Variants in CAMKMT observed in about 807,000 individuals in gnomAD.
The protein encoded by CAMKMT is calmodulin-lysine N-methyltransferase, also known as CaM KMT.
CAMKMT carries 53 observed loss-of-function variants against 48.0 expected under a neutral mutation model. That is an observed-to-expected ratio of 1.10 (90% CI 0.89 to 1.39). The LOEUF is 1.39. Ranked by LOEUF, CAMKMT falls within the 40% of genes most tolerant of loss-of-function variation. CAMKMT has a pLI of 0.00. For missense variants in CAMKMT, 428 were observed against 402.7 expected (o/e 1.06, Z -0.54); for synonymous variants, 165 against 152.3 (o/e 1.08, Z -0.61).
At chr2:44,571,582 A>G (rs1247593442) in intron 3 of CAMKMT, among the ~76,000 whole-genome samples, 2 of 152,222 alleles carry the variant, frequency 1.3e-5, no homozygotes, top group Non-Finnish European at 2.9e-5. Context: ...ATAAATCCAC[A>G]TATGTAGTGG....
chr2:44,622,416 G>A (rs1021261945), intron 3 of CAMKMT, among the ~76,000 whole-genome samples: 1 of 152,160 alleles, frequency 6.6e-6, no homozygotes, highest in African/African-American at 2.4e-5. Flanking sequence ...TGATGCTGAG[G>A]TTTGAAGTAC....
At chr2:44,386,301 T>C (rs1026929552) in intron 2 of CAMKMT, among the ~76,000 whole-genome samples, 13 of 152,092 alleles carry the variant, frequency 8.5e-5, no homozygotes, top group African/African-American at 3.1e-4. Flanking sequence ...TTTTCTAGTT[T>C]ATGTGTGTAA....
At chr2:44,480,206 G>A (rs1558647161) in intron 3 of CAMKMT, among the ~76,000 whole-genome samples, 1 of 152,052 alleles carries the variant, frequency 6.6e-6, no homozygotes, top group Non-Finnish European at 1.5e-5. Context: ...TCTGTTAGGC[G>A]ACACAGAACT....
At chr2:44,486,681 A>T (rs987596884) in intron 3 of CAMKMT, among the ~76,000 whole-genome samples, 3 of 152,236 alleles carry the variant, frequency 2.0e-5, no homozygotes, top group Non-Finnish European at 4.4e-5. Context: ...CATTGAGCAT[A>T]TATGTTGCTC....
intron 3 of CAMKMT, among the ~76,000 whole-genome samples, chr2:44,470,512 CACCT>C (rs1026550000): frequency 2.4e-4 from 36 of 152,138 alleles, no homozygotes; most frequent in Non-Finnish European, 1.2e-4. Context: ...GGTTTCTTCC[CACCT>C]GTTTGTATTT....
chr2:44,543,296 T>C (rs955651804), intron 3 of CAMKMT, among the ~76,000 whole-genome samples: 1 of 152,196 alleles, frequency 6.6e-6, no homozygotes, highest in Non-Finnish European at 1.5e-5. Context: ...TCCAGTATGA[T>C]TTCTGCCGTG....
intron 3 of CAMKMT, among the ~76,000 whole-genome samples, chr2:44,414,113 G>A (rs1016355289): frequency 3.9e-5 from 6 of 152,008 alleles, no homozygotes; most frequent in Non-Finnish European, 7.4e-5. Context: ...TCATATCTCT[G>A]GCAACTCTAT....
intron 7 of CAMKMT, among the ~76,000 whole-genome samples, chr2:44,724,679 A>T (rs1341424554): frequency 6.6e-6 from 1 of 152,178 alleles, no homozygotes; most frequent in East Asian, 1.9e-4. Flanking sequence ...TACTCCCCAC[A>T]TTGGACTCTG....
At chr2:44,429,918 A>G (rs757794955) in intron 3 of CAMKMT, among the ~76,000 whole-genome samples, 6 of 151,332 alleles carry the variant, frequency 4.0e-5, no homozygotes, top group Non-Finnish European at 5.9e-5. Flanking sequence ...AAAGTTTGTG[A>G]TAGTGATTAT....
At chr2:44,604,561 T>G (rs1244490737) in intron 3 of CAMKMT, among the ~76,000 whole-genome samples, 3 of 151,136 alleles carry the variant, frequency 2.0e-5, no homozygotes, top group South Asian at 2.1e-4. Context: ...CAATCTGGTT[T>G]TTTTTTTTTT....
chr2:44,440,760 G>A (rs1479098973), intron 3 of CAMKMT, among the ~76,000 whole-genome samples: 1 of 152,064 alleles, frequency 6.6e-6, no homozygotes, highest in Non-Finnish European at 1.5e-5. Flanking sequence ...TTCCACAGTA[G>A]TATCACATAC....
At chr2:44,766,157 AC>A (rs1680833313) in intron 9 of CAMKMT, among the ~76,000 whole-genome samples, 2 of 152,238 alleles carry the variant, frequency 1.3e-5, no homozygotes, top group Admixed American at 1.3e-4. Context: ...ATTGTTCGGA[AC>A]ACCGGCTTTC....
At chr2:44,463,417 G>A (rs1667947327) in intron 3 of CAMKMT, among the ~76,000 whole-genome samples, 1 of 152,210 alleles carries the variant, frequency 6.6e-6, no homozygotes, top group African/African-American at 2.4e-5. Context: ...CCTCTCTTAA[G>A]CCAGCATAGC....
intron 1 of CAMKMT, among the ~76,000 whole-genome samples, chr2:44,371,802 A>G (rs1157862403): frequency 1.3e-5 from 2 of 152,156 alleles, no homozygotes; most frequent in Non-Finnish European, 2.9e-5. Context: ...TCAACCCAGA[A>G]TAATTAATTG....
chr2:44,736,187 C>T (rs1679347067), intron 7 of CAMKMT, among the ~76,000 whole-genome samples: 2 of 152,124 alleles, frequency 1.3e-5, no homozygotes, highest in Middle Eastern at 3.2e-3. Flanking sequence ...TTTAACATTT[C>T]TTGCAGCATA....
At chr2:44,627,697 C>CTT (rs1174344846) in intron 3 of CAMKMT, among the ~76,000 whole-genome samples, 5,819 of 74,852 alleles carry the variant, frequency 0.078, 1,268 homozygotes, top group Non-Finnish European at 0.096. Flanking sequence ...CCATTTTATC[C>CTT]TTTTTTTTTT....
chr2:44,463,515 T>C (rs1347516058), intron 3 of CAMKMT, among the ~76,000 whole-genome samples: 4 of 152,090 alleles, frequency 2.6e-5, no homozygotes, highest in Non-Finnish European at 5.9e-5. Flanking sequence ...TACTAGCTTT[T>C]TAGGGGGTGA....
At chr2:44,654,414 C>T (rs1471562684) in intron 3 of CAMKMT, among the ~76,000 whole-genome samples, 5 of 152,132 alleles carry the variant, frequency 3.3e-5, no homozygotes, top group African/African-American at 9.7e-5. Flanking sequence ...AAAAACTACT[C>T]TTAATCCTAG....
chr2:44,717,449 A>G (rs966298078), intron 7 of CAMKMT, among the ~76,000 whole-genome samples: 1 of 152,292 alleles, frequency 6.6e-6, no homozygotes, highest in Non-Finnish European at 1.5e-5. Flanking sequence ...CTGATGTAAT[A>G]ATCAGTATTC....
Sources: allele counts gnomAD v4.1 joint callset (sites outside exome capture counted in the v4.1 genomes callset), GRCh38; gene constraint gnomAD v4.1.1; transcripts MANE v1.5; gene names NCBI Gene and HGNC (gene_info 2026-07-23, HGNC 2026-07-21).